Variants in TNRC6B observed in about 807,000 individuals in gnomAD.
TNRC6B encodes trinucleotide repeat-containing gene 6B protein.
TNRC6B carries 52 observed loss-of-function variants against 203.6 expected under a neutral mutation model. The ratio of observed to expected loss-of-function variants is 0.26; its 90% CI spans 0.20 to 0.32. The LOEUF (loss-of-function observed/expected upper bound fraction) is 0.32, where lower values mean the gene tolerates loss of function less well. Ranked by LOEUF, TNRC6B falls within the 10% of genes least tolerant of loss-of-function variation. The pLI is 1.00. For synonymous variants in TNRC6B, 838 were observed against 845.7 expected (o/e 0.99, Z 0.16); for missense variants, 1,923 against 2,286.2 (o/e 0.84, Z 3.24).
At chr22:40,207,300 T>C (rs1398648890) in intron 1 of TNRC6B, among the ~76,000 whole-genome samples, 1 of 151,606 alleles carries the variant, frequency 6.6e-6, no homozygotes, top group East Asian at 1.9e-4. Context: ...TCCAGCACTT[T>C]GGGAGGCTGA....
chr22:40,295,305 G>C (rs957658043), intron 12 of TNRC6B, among the ~76,000 whole-genome samples: 1 of 151,950 alleles, frequency 6.6e-6, no homozygotes, highest in Non-Finnish European at 1.5e-5. Context: ...GTGAAACCCC[G>C]TCTCTATTAA....
intron 1 of TNRC6B, among the ~76,000 whole-genome samples, chr22:40,105,052 A>G (rs1224548035): frequency 6.6e-6 from 1 of 152,200 alleles, no homozygotes; most frequent in East Asian, 1.9e-4. Flanking sequence ...TTCTAGGCAG[A>G]GAAGTGTCAC....
At chr22:40,176,988 G>T (rs1601860639), upstream of TNRC6B, among the ~76,000 whole-genome samples, 1 of 152,192 alleles carries the variant, frequency 6.6e-6, no homozygotes, top group Non-Finnish European at 1.5e-5. Flanking sequence ...CAGGCAGGGT[G>T]GGAGGATGGG....
intron 12 of TNRC6B, among the ~76,000 whole-genome samples, chr22:40,287,809 G>T (rs1170621394): frequency 2.0e-5 from 3 of 152,226 alleles, no homozygotes; most frequent in Non-Finnish European, 4.4e-5. Context: ...TGGCAGAGGG[G>T]TGGGTTGAGG....
At position 40,328,227 on chromosome 22, in the gene TNRC6B, A is replaced by G. The variant is rs1047737024; in HGVS notation, c.*4986A>G. On this transcript the variant is annotated 3_prime_UTR_variant, in exon 23 of 23. Transcript: ENST00000454349. ...AAATTATTTAATCAGTGTCCCCCCA[A>G]TAAATCACTTATCCATTTATTGCTA... The G allele has an allele frequency of 1.3e-5, 2 of 152,226 alleles. No homozygotes were observed. Among genetic ancestry groups the G allele is most frequent in the African/African-American group, 4.8e-5 (2 of 41,468 alleles). 9.4% of individuals were successfully genotyped at this position (152,226 alleles called of 1,614,324 possible). A position where few individuals can be genotyped will look rare whatever the true frequency, so the allele number is the denominator to read the frequency against.
chr22:40,215,236 C>T (rs1188426676), intron 1 of TNRC6B, among the ~76,000 whole-genome samples: 2 of 152,190 alleles, frequency 1.3e-5, no homozygotes, highest in Non-Finnish European at 2.9e-5. Flanking sequence ...GTGAGTCATT[C>T]AGCCATGTTG....
chr22:40,178,097 T>C lies in TNRC6B; in HGVS notation c.-39T>C, dbSNP rs1444399356. On this transcript the variant is annotated 5_prime_UTR_variant, in exon 1 of 23. Transcript: ENST00000454349. ...TTTTTTCATTTCCATTTCTACCTTGTATGCCTCAATTTGCTGGATTTAAGC... is the reference window on the plus strand; with the variant it reads ...TTTTTTCATTTCCATTTCTACCTTGCATGCCTCAATTTGCTGGATTTAAGC... The C allele has an allele frequency of 6.2e-7, 1 of 1,610,892 alleles. No homozygotes were observed. Among genetic ancestry groups the C allele is most frequent in the Admixed American group, 1.7e-5 (1 of 59,260 alleles).
chr22:40,132,113 C>T (rs1449413083), intron 3 of TNRC6B, among the ~76,000 whole-genome samples: 3 of 152,068 alleles, frequency 2.0e-5, no homozygotes, highest in Non-Finnish European at 2.9e-5. Flanking sequence ...TTTGGGAGGC[C>T]GAGGCAGGCA....
At chr22:40,277,951 C>G (rs2070668263) in intron 8 of TNRC6B, 48 bp from the exon 9 acceptor site, 8 of 1,420,382 alleles carry the variant, frequency 5.6e-6, no homozygotes, top group Non-Finnish European at 7.8e-6. Context: ...TTCTTTGATT[C>G]AAAGATGTGC....
chr22:40,170,623 A>G lies in TNRC6B; in HGVS notation c.113+14441A>G, dbSNP rs1195124839. 2.4e-5 allele frequency among the ~76,000 whole-genome samples: 3 copies of G among 127,138 alleles called. 1 individual carries two copies. Among genetic ancestry groups the G allele is most frequent in the African/African-American group, 5.9e-5 (2 of 34,074 alleles). 83.4% of individuals were successfully genotyped at this position (127,138 alleles called of 152,430 possible). ...TAGTTTATATATATCCTATACATAC[A>G]TATATGAACATACATACATATATGT... On this transcript the variant is annotated intron_variant, in intron 4 of 23. Coordinates refer to the TNRC6B transcript ENST00000301923.
intron 4 of TNRC6B, 95 bp downstream of exon 4, chr22:40,262,268 T>C: frequency 8.8e-7 from 1 of 1,137,526 alleles, no homozygotes; most frequent in Non-Finnish European, 1.2e-6. Context: ...AGCCATTCAT[T>C]ATATAAACCA....
chr22:40,155,345 G>C (rs2068810256), intron 3 of TNRC6B, among the ~76,000 whole-genome samples: 1 of 152,106 alleles, frequency 6.6e-6, no homozygotes, highest in South Asian at 2.1e-4. Context: ...CTGGAGTACA[G>C]TGGCGTGATC....
intron 4 of TNRC6B, among the ~76,000 whole-genome samples, chr22:40,168,205 C>T (rs2068938443): frequency 6.6e-6 from 1 of 152,138 alleles, no homozygotes; most frequent in Admixed American, 6.6e-5. Flanking sequence ...CCTAAAAGTA[C>T]CTAGGTTCAT....
intron 1 of TNRC6B, among the ~76,000 whole-genome samples, chr22:40,233,155 AAAAAG>A (rs776521591): frequency 5.9e-5 from 9 of 151,966 alleles, no homozygotes; most frequent in South Asian, 4.2e-4. Flanking sequence ...AAAAAAAGAA[AAAAAG>A]AAAAGAAAAG....
intron 1 of TNRC6B, among the ~76,000 whole-genome samples, chr22:40,179,120 G>T (rs988692872): frequency 6.6e-6 from 1 of 152,208 alleles, no homozygotes; most frequent in Non-Finnish European, 1.5e-5. Context: ...AGCAGTCTAT[G>T]TGATTGTTAG....
At chr22:40,162,183 A>G (rs983434074) in intron 4 of TNRC6B, among the ~76,000 whole-genome samples, 1 of 151,862 alleles carries the variant, frequency 6.6e-6, no homozygotes, top group Admixed American at 6.6e-5. Context: ...TGCAACCTCA[A>G]CCTCCCAGGT....
At chr22:40,051,112 C>A (rs1363948041) in intron 1 of TNRC6B, among the ~76,000 whole-genome samples, 1 of 152,172 alleles carries the variant, frequency 6.6e-6, no homozygotes, top group Non-Finnish European at 1.5e-5. Context: ...CGTGAGCCAC[C>A]GCACCCAGCC....
chr22:40,312,117 G>A (rs906925443), intron 17 of TNRC6B, among the ~76,000 whole-genome samples: 3 of 152,212 alleles, frequency 2.0e-5, no homozygotes, highest in African/African-American at 7.2e-5. Context: ...AGGAAAATGA[G>A]AAAGAGCACT....
At chr22:40,274,041 C>T (rs1375682810) in intron 7 of TNRC6B, among the ~76,000 whole-genome samples, 1 of 152,220 alleles carries the variant, frequency 6.6e-6, no homozygotes, top group East Asian at 1.9e-4. Context: ...CAAATAACTA[C>T]TTCCCTTTTA....
Sources: gnomAD v4.1 joint callset for allele counts (sites outside exome capture counted in the v4.1 genomes callset) on GRCh38, gnomAD v4.1.1 for gene constraint, MANE v1.5 for transcripts, NCBI Gene and HGNC (gene_info 2026-07-23, HGNC 2026-07-21) for gene names.